Variants in ADAMTS6 observed in about 807,000 individuals in gnomAD.
ADAMTS6 encodes A disintegrin and metalloproteinase with thrombospondin motifs 6.
Under a neutral mutation model 144.3 loss-of-function variants are expected in ADAMTS6, and 23 were observed. The ratio of observed to expected loss-of-function variants is 0.16; its 90% CI spans 0.11 to 0.23. The LOEUF (loss-of-function observed/expected upper bound fraction) is 0.23. Ranked by LOEUF, ADAMTS6 falls within the 10% of genes least tolerant of loss-of-function variation. The pLI is 1.00. For missense variants in ADAMTS6, 999 were observed against 1,379.6 expected, an observed-to-expected ratio of 0.72 and a Z score of 4.37; for synonymous variants, 444 against 457.5, an observed-to-expected ratio of 0.97 and a Z score of 0.38.
intron 7 of ADAMTS6, among the ~76,000 whole-genome samples, chr5:65,386,397 T>C (rs1336973498): frequency 6.6e-6 from 1 of 152,228 alleles, no homozygotes; most frequent in African/African-American, 2.4e-5. Flanking sequence ...TCTTTGATGA[T>C]ACATTTGTTT....
At chr5:65,230,716 CAT>C (rs1252796360) in intron 15 of ADAMTS6, among the ~76,000 whole-genome samples, 2 of 90,848 alleles carry the variant, frequency 2.2e-5, no homozygotes, top group African/African-American at 9.3e-5. Context: ...ATATATAACA[CAT>C]ATGTATGAAA....
intron 20 of ADAMTS6, among the ~76,000 whole-genome samples, chr5:65,206,401 T>G: frequency 6.6e-6 from 1 of 152,122 alleles, no homozygotes; most frequent in East Asian, 1.9e-4. Context: ...TAAATGGTCT[T>G]AAAAATCTCA....
intron 9 of ADAMTS6, among the ~76,000 whole-genome samples, chr5:65,300,413 G>A (rs569774645): frequency 6.6e-5 from 10 of 152,256 alleles, no homozygotes; most frequent in Admixed American, 2.0e-4. Context: ...TTGTATATCA[G>A]TCCTTACTTT....
chr5:65,161,656 A>C (rs1205820524), intron 24 of ADAMTS6, among the ~76,000 whole-genome samples: 3 of 152,218 alleles, frequency 2.0e-5, no homozygotes, highest in African/African-American at 7.2e-5. Context: ...GAACTTATAA[A>C]TATATTTAAA....
intron 21 of ADAMTS6, among the ~76,000 whole-genome samples, chr5:65,193,814 A>G (rs1221164439): frequency 6.6e-6 from 1 of 152,192 alleles, no homozygotes; most frequent in Non-Finnish European, 1.5e-5. Flanking sequence ...AATAAAAAGT[A>G]CAGCCAAAAT....
At chr5:65,340,370 C>A (rs1199089316) in intron 7 of ADAMTS6, among the ~76,000 whole-genome samples, 1 of 152,054 alleles carries the variant, frequency 6.6e-6, no homozygotes, top group Non-Finnish European at 1.5e-5. Context: ...ACAAGACATG[C>A]TCAGGGAAAT....
At chr5:65,452,993 G>A in intron 4 of ADAMTS6, 75 bp from the exon 5 acceptor site, 2 of 1,126,186 alleles carry the variant, frequency 1.8e-6, no homozygotes, top group Non-Finnish European at 2.5e-6. Context: ...ATGTAGACAT[G>A]CTTCTCACAA....
chr5:65,304,765 T>A (rs1743767336), intron 9 of ADAMTS6, among the ~76,000 whole-genome samples: 1 of 151,316 alleles, frequency 6.6e-6, no homozygotes, highest in South Asian at 2.1e-4. Flanking sequence ...CAAAAAAAAA[T>A]TAAGAAAGGG....
At chr5:65,412,820 T>C (rs771885907) in intron 7 of ADAMTS6, among the ~76,000 whole-genome samples, 7 of 152,154 alleles carry the variant, frequency 4.6e-5, no homozygotes, top group Non-Finnish European at 8.8e-5. Flanking sequence ...GTTGAAGTAA[T>C]TGAAAACCAT....
At chr5:65,457,443 C>T (rs1335509219) in intron 4 of ADAMTS6, among the ~76,000 whole-genome samples, 3 of 151,980 alleles carry the variant, frequency 2.0e-5, no homozygotes, top group Non-Finnish European at 4.4e-5. Flanking sequence ...CCCAAAAGTG[C>T]AGAATTTTAT....
chr5:65,214,629 G>C lies in ADAMTS6; in HGVS notation c.2575+165C>G, dbSNP rs762532420. The C allele has an allele frequency of 1.5e-5, 14 of 928,012 alleles. No individual in the cohort carries two copies. Among genetic ancestry groups the C allele is most frequent in the Non-Finnish European group, 2.3e-5 (14 of 605,292 alleles). The allele number at this position is 928,012 out of a possible 1,614,324, so 57.5% of individuals were successfully genotyped here. A position where few individuals can be genotyped will look rare whatever the true frequency, so the allele number is the denominator to read the frequency against. On this transcript the variant is annotated intron_variant, in intron 20 of 24. Coordinates refer to ENST00000381055, the MANE Select transcript of ADAMTS6 (RefSeq NM_197941.4). The surrounding 1 kb of genome is among the most constrained non-coding windows in gnomAD (Gnocchi z 4.6). ...AATTACATGAGGTTGAAAACAAATGGAATATAATATAATTAAAGCAAAGTT... is the reference window on the plus strand; with the variant it reads ...AATTACATGAGGTTGAAAACAAATGCAATATAATATAATTAAAGCAAAGTT...
At chr5:65,362,711 C>G (rs1749940406) in intron 7 of ADAMTS6, among the ~76,000 whole-genome samples, 1 of 152,068 alleles carries the variant, frequency 6.6e-6, no homozygotes, top group African/African-American at 2.4e-5. Context: ...TTTTTCTTTT[C>G]CCCTGTTAAC....
intron 9 of ADAMTS6, among the ~76,000 whole-genome samples, chr5:65,312,094 T>A (rs561909963): frequency 4.6e-5 from 7 of 152,110 alleles, no homozygotes; most frequent in African/African-American, 1.7e-4. Flanking sequence ...GATCAGTCAG[T>A]TCTTCAAAGA....
At chr5:65,182,498 T>C (rs574293213) in intron 22 of ADAMTS6, among the ~76,000 whole-genome samples, 2 of 151,384 alleles carry the variant, frequency 1.3e-5, no homozygotes, top group East Asian at 3.9e-4. Context: ...ACAATATTTA[T>C]TGTGTCAAGT....
intron 15 of ADAMTS6, among the ~76,000 whole-genome samples, chr5:65,233,970 C>T (rs1758458489): frequency 6.6e-6 from 1 of 151,186 alleles, no homozygotes; most frequent in Non-Finnish European, 1.5e-5. Flanking sequence ...TGAAAATAAG[C>T]CCATGCATAT....
chr5:65,370,600 T>G (rs1439056572), intron 7 of ADAMTS6, among the ~76,000 whole-genome samples: 1 of 152,130 alleles, frequency 6.6e-6, no homozygotes, highest in African/African-American at 2.4e-5. Flanking sequence ...CGAGATTATA[T>G]CCCGCACCTG....
At chr5:65,330,287 T>C (rs971154679) in intron 8 of ADAMTS6, among the ~76,000 whole-genome samples, 4 of 152,164 alleles carry the variant, frequency 2.6e-5, no homozygotes, top group African/African-American at 9.6e-5. Flanking sequence ...TATCATGCTG[T>C]GTGAAATACT....
chr5:65,269,790 CTT>C (rs897216515), intron 12 of ADAMTS6, among the ~76,000 whole-genome samples: 2,034 of 133,104 alleles, frequency 0.015, 40 homozygotes, highest in African/African-American at 0.053. Flanking sequence ...AGTGTAAGTA[CTT>C]TTTTTTTTTT....
At chr5:65,452,479 C>T (rs1396590327) in intron 5 of ADAMTS6, among the ~76,000 whole-genome samples, 1 of 134,922 alleles carries the variant, frequency 7.4e-6, no homozygotes, top group African/African-American at 2.7e-5. Flanking sequence ...AAAAAAAAAC[C>T]CTTAAACAAG....
Sources: allele counts gnomAD v4.1 joint callset (sites outside exome capture counted in the v4.1 genomes callset), GRCh38; gene constraint gnomAD v4.1.1; non-coding constraint Gnocchi (gnomAD v3.1); transcripts MANE v1.5; gene names NCBI Gene and HGNC (gene_info 2026-07-23, HGNC 2026-07-21).